Variants in LOC112694756 observed in about 807,000 individuals in gnomAD.
chr16:30,054,815 C>T, the LOC112694756 span: 1 of 399,424 alleles, frequency 2.5e-6, no homozygotes, highest in Non-Finnish European at 4.4e-6. Context: ...CCAACCCCGG[C>T]TCCTGTCAGC....
At chr16:30,069,756 G>A in the LOC112694756 span, 1 of 1,611,524 alleles carries the variant, frequency 6.2e-7, no homozygotes, top group Non-Finnish European at 8.5e-7. Context: ...GATTTCCATG[G>A]CAACTTCCAC....
chr16:30,068,029 C>G, the LOC112694756 span: 1 of 272,060 alleles, frequency 3.7e-6, no homozygotes, highest in Non-Finnish European at 7.1e-6. Context: ...TTAATTGTAA[C>G]TAAGTATTTG....
chr16:30,055,438 C>A, the LOC112694756 span: 6 of 398,350 alleles, frequency 1.5e-5, no homozygotes, highest in Non-Finnish European at 2.7e-5. Flanking sequence ...CAAGGCCAGG[C>A]ACGGTTCCAG....
chr16:30,069,690 T>C, the LOC112694756 span: 298 of 1,613,108 alleles, frequency 1.8e-4, 2 homozygotes, highest in South Asian at 3.1e-3. Context: ...CCCACACTCA[T>C]CTTGATCTCT....
the LOC112694756 span, among the ~76,000 whole-genome samples, chr16:30,056,980 G>T: frequency 6.9e-6 from 1 of 145,732 alleles, no homozygotes; most frequent in African/African-American, 2.6e-5. Context: ...GTGCAATCTC[G>T]GCTCACCGCA....
At chr16:30,069,258 G>A in the LOC112694756 span, 2 of 1,592,274 alleles carry the variant, frequency 1.3e-6, no homozygotes, top group South Asian at 1.1e-5. Context: ...ATGTAGGTGG[G>A]ACTCTGGGTT....
chr16:30,066,514 ACCGCTTT>A, the LOC112694756 span, among the ~76,000 whole-genome samples: 1 of 152,198 alleles, frequency 6.6e-6, no homozygotes, highest in Non-Finnish European at 1.5e-5. Flanking sequence ...GGCAAAGCTT[ACCGCTTT>A]CCTCGCCTCG....
At chr16:30,063,782 G>T in the LOC112694756 span, 2 of 399,334 alleles carry the variant, frequency 5.0e-6, no homozygotes, top group East Asian at 7.1e-5. Flanking sequence ...GTGCCTGTAC[G>T]TGCCAGCTCC....
the LOC112694756 span, among the ~76,000 whole-genome samples, chr16:30,056,105 GTTTTTTTTT>G: frequency 8.4e-6 from 1 of 119,548 alleles, no homozygotes; most frequent in African/African-American, 3.2e-5. Context: ...CCCAGCCATG[GTTTTTTTTT>G]TTTTTTTTTT....
chr16:30,056,464 C>G, the LOC112694756 span, among the ~76,000 whole-genome samples: 1 of 152,154 alleles, frequency 6.6e-6, no homozygotes, highest in Non-Finnish European at 1.5e-5. Flanking sequence ...CAAACCCGCT[C>G]TCTATCCCAA....
the LOC112694756 span, chr16:30,070,243 T>C: frequency 1.2e-6 from 2 of 1,607,086 alleles, no homozygotes; most frequent in Non-Finnish European, 1.7e-6. Context: ...CCCCCAACAC[T>C]CCAGGCCCTG....
At chr16:30,065,919 C>G in the LOC112694756 span, 1 of 153,194 alleles carries the variant, frequency 6.5e-6, no homozygotes, top group Admixed American at 6.5e-5. Context: ...CGCCCCTCTC[C>G]TGTGCCAGGT....
chr16:30,057,027 C>T, the LOC112694756 span, among the ~76,000 whole-genome samples: 12 of 151,886 alleles, frequency 7.9e-5, no homozygotes, highest in African/African-American at 1.9e-4. Context: ...TCTCCTGCCT[C>T]AGCCTCCCAA....
At chr16:30,069,855 G>A in the LOC112694756 span, 1 of 1,614,192 alleles carries the variant, frequency 6.2e-7, no homozygotes, top group Non-Finnish European at 8.5e-7. Context: ...CTGGAGGCCA[G>A]AGTGAGGAGG....
At chr16:30,066,116 C>G in the LOC112694756 span, 1 of 152,778 alleles carries the variant, frequency 6.5e-6, no homozygotes, top group Non-Finnish European at 1.5e-5. Flanking sequence ...CGGCTGCGCG[C>G]GCTGAGTCAT....
chr16:30,061,577 T>TTTTTTTG, the LOC112694756 span, among the ~76,000 whole-genome samples: 1 of 145,052 alleles, frequency 6.9e-6, no homozygotes, highest in African/African-American at 2.6e-5. Context: ...TTTTTTTTTT[T>TTTTTTTG]GAGGCAGAGT....
the LOC112694756 span, among the ~76,000 whole-genome samples, chr16:30,058,773 C>T: frequency 2.0e-4 from 31 of 152,154 alleles, no homozygotes; most frequent in Non-Finnish European, 3.8e-4. Context: ...TGAGCCACCA[C>T]GCCTGGCCTG....
At chr16:30,067,083 G>T in the LOC112694756 span, 1 of 1,571,396 alleles carries the variant, frequency 6.4e-7, no homozygotes, top group East Asian at 2.4e-5. Flanking sequence ...GTAAGAGAGA[G>T]CTGGGGACCA....
At chr16:30,069,373 A>G in the LOC112694756 span, 7 of 1,614,110 alleles carry the variant, frequency 4.3e-6, no homozygotes, top group Non-Finnish European at 5.9e-6. Context: ...AAGCGCTGCC[A>G]GTATGTGACC....
Sources: allele counts gnomAD v4.1 joint callset (sites outside exome capture counted in the v4.1 genomes callset), GRCh38; gene constraint gnomAD v4.1.1; transcripts MANE v1.5.